The following HLF variants were observed in gnomAD, a reference collection of about 807,000 sequenced individuals.
HLF encodes the protein hepatic leukemia factor.
A neutral mutation model predicts 22.6 loss-of-function variants in HLF; 3 were observed. The ratio of observed to expected loss-of-function variants is 0.13; its 90% CI spans 0.06 to 0.34. The LOEUF is 0.34. HLF is among the 10% of genes least tolerant of loss of function. The pLI, the probability that HLF is intolerant of heterozygous loss-of-function variation, is 1.00. For synonymous variants in HLF, 151 were observed against 151.8 expected (o/e 0.99, Z 0.04); for missense variants, 299 against 389.2 (o/e 0.77, Z 1.95).
At chr17:55,288,859 A>G (rs146408415) in intron 2 of HLF, 4 of 957,498 alleles carry the variant, frequency 4.2e-6, no homozygotes, top group Non-Finnish European at 3.7e-6. Context: ...TGACCCCCCA[A>G]TTTTCCACCC....
intron 3 of HLF, chr17:55,318,815 G>GAACTGGAGGCTTCACCACTGTTGTT (rs572612622): frequency 4.7e-4 from 71 of 152,668 alleles, no homozygotes; most frequent in Non-Finnish European, 5.7e-4. Flanking sequence ...ACTTCCATCA[G>GAACTGGAGGCTTCACCACTGTTGTT]AACTGGAGGC....
chr17:55,267,697 ATTG>A, intron 1 of HLF, 51 bp from the exon 2 acceptor site: 2 of 1,256,662 alleles, frequency 1.6e-6, no homozygotes, highest in Admixed American at 2.3e-5. Flanking sequence ...AAAGAGCGGT[ATTG>A]TTTTTCTTTT....
rs2080780164 is a variant in HLF, at chr17:55,265,619, C to A, written c.115+20C>A. The A allele has an allele frequency of 1.3e-6, 2 of 1,541,612 alleles. No individual in the cohort carries two copies. The highest frequency in any genetic ancestry group is 2.3e-5 in the East Asian group (1 of 42,572). On this transcript the variant is annotated intron_variant, in intron 1 of 3. Coordinates refer to ENST00000226067, the MANE Select transcript of HLF (RefSeq NM_002126.5). ...AAGACGGTGAGCGCTGCCGCGGCCC[C>A]GCTCCGGGAAGGGACGACGCTCCGG...
chr17:55,300,225 C>T (rs1232165989), intron 2 of HLF, among the ~76,000 whole-genome samples: 1 of 152,200 alleles, frequency 6.6e-6, no homozygotes, highest in African/African-American at 2.4e-5. Flanking sequence ...ACCAGGGAAA[C>T]ATCTCTTTGG....
chr17:55,271,739 A>T (rs2080860968), intron 2 of HLF: 2 of 152,162 alleles, frequency 1.3e-5, no homozygotes, highest in African/African-American at 2.4e-5. Context: ...CATGTTGGCC[A>T]GGCTGGTCTC....
chr17:55,316,820 TCTAAA>T (rs1166831287), intron 3 of HLF, among the ~76,000 whole-genome samples: 2 of 151,840 alleles, frequency 1.3e-5, no homozygotes, highest in African/African-American at 4.8e-5. Flanking sequence ...CACCAGAAAA[TCTAAA>T]CTAGTCAGGA....
At position 55,315,290 on chromosome 17, in the gene HLF, C is replaced by A; in HGVS notation, c.515C>A (p.Pro172Gln). ...ATTGATCCTGACACCATCCAGGTCC[C>A]AGTGGGTTATGAGCCAGACCCAGCA... ...SPIDPDTIQV[P>Q]VGYEPDPADL... Residue 172 changes from proline (P) to glutamine (Q), a missense_variant, in exon 3 of 4, where the codon CCA becomes CAA. Around this residue, in one of 3 missense-constraint regions of HLF, gnomAD observed 224 missense variants for 298.1 expected, o/e 0.75. Transcript: ENST00000226067. The A allele has an allele frequency of 1.2e-6, 2 of 1,614,194 alleles. No homozygotes were observed. The highest frequency in any genetic ancestry group is 1.7e-6 in the Non-Finnish European group (2 of 1,180,016).
At chr17:55,282,479 A>G (rs1182724248) in intron 2 of HLF, among the ~76,000 whole-genome samples, 1 of 152,244 alleles carries the variant, frequency 6.6e-6, no homozygotes, top group African/African-American at 2.4e-5. Context: ...AACAGTTTAC[A>G]TCAATGTCCA....
chr17:55,271,556 G>C (rs1341214797), intron 2 of HLF: 1 of 152,150 alleles, frequency 6.6e-6, no homozygotes, highest in African/African-American at 2.4e-5. Context: ...TTGAGATGGA[G>C]TCTAGCTCCA....
At chr17:55,279,294 T>G (rs2080932518) in intron 2 of HLF, among the ~76,000 whole-genome samples, 1 of 152,220 alleles carries the variant, frequency 6.6e-6, no homozygotes, top group Middle Eastern at 3.2e-3. Flanking sequence ...AAACTAGGTA[T>G]AAAGAAGCAA....
intron 1 of HLF, chr17:55,265,865 G>A: frequency 6.5e-6 from 8 of 1,232,016 alleles, no homozygotes; most frequent in Non-Finnish European, 8.1e-6. Context: ...CTGCGGCGCG[G>A]GTGGGAGGTG....
chr17:55,306,455 A>C (rs1478558748), intron 2 of HLF, among the ~76,000 whole-genome samples: 2 of 151,990 alleles, frequency 1.3e-5, no homozygotes, highest in Non-Finnish European at 2.9e-5. Context: ...GGATCTTTAC[A>C]ATGGGCCTTT....
intron 2 of HLF, among the ~76,000 whole-genome samples, chr17:55,287,075 A>AGG (rs1318380092): frequency 6.6e-6 from 1 of 152,010 alleles, no homozygotes; most frequent in East Asian, 1.9e-4. Context: ...TAGCTCAATC[A>AGG]GGGGGGAGGC....
intron 2 of HLF, chr17:55,272,676 G>C (rs1336604103): frequency 6.6e-6 from 1 of 152,298 alleles, no homozygotes; most frequent in Non-Finnish European, 1.5e-5. Flanking sequence ...TTTGGGTATG[G>C]AAGGAAAACG....
chr17:55,281,301 G>A (rs1257905068), intron 2 of HLF, among the ~76,000 whole-genome samples: 3 of 152,124 alleles, frequency 2.0e-5, no homozygotes, highest in African/African-American at 7.2e-5. Flanking sequence ...ATCACTTGAG[G>A]TCAGGAGCTC....
chr17:55,291,584 T>TGGTGTA (rs2081062205), intron 2 of HLF, among the ~76,000 whole-genome samples: 2 of 147,540 alleles, frequency 1.4e-5, no homozygotes, highest in Non-Finnish European at 3.0e-5. Context: ...ATCCAAAAAC[T>TGGTGTA]CTGATGGAGA....
chr17:55,304,270 C>T (rs72628382), intron 2 of HLF, among the ~76,000 whole-genome samples: 4 of 152,056 alleles, frequency 2.6e-5, no homozygotes, highest in African/African-American at 9.7e-5. Context: ...TTCTGCCACA[C>T]GGTGACCCCA....
At position 55,319,406 on chromosome 17, in the gene HLF, A is replaced by G. The variant is rs142440534; in HGVS notation, c.673-1258A>G. On this transcript the variant is annotated intron_variant, in intron 3 of 3. Transcript: ENST00000226067. ...TGTAACTGCAGGTAGTAGCATTGCT[A>G]GGACTGAGGGATTTGCTGTTGCAAA... Among the ~76,000 whole-genome samples, 7 of 152,310 alleles carry G rather than the reference A, an allele frequency of 4.6e-5. No homozygotes were observed. In the East Asian group the frequency reaches 1.3e-3, roughly 29 times the overall value.
chr17:55,296,900 G>T (rs566610894), intron 2 of HLF, among the ~76,000 whole-genome samples: 182 of 152,202 alleles, frequency 1.2e-3, no homozygotes, highest in African/African-American at 4.2e-3. Context: ...GGTTGGAGGG[G>T]AGCTAAGTAT....
Sources: allele counts gnomAD v4.1 joint callset (sites outside exome capture counted in the v4.1 genomes callset), GRCh38; gene constraint gnomAD v4.1.1; regional missense constraint gnomAD v4.1.1; transcripts MANE v1.5; gene names NCBI Gene and HGNC (gene_info 2026-07-23, HGNC 2026-07-21).